Variants in TCEANC2 observed in about 807,000 individuals in gnomAD.
TCEANC2 encodes the protein transcription elongation factor A N-terminal and central domain containing 2, also known as transcription elongation factor A N-terminal and central domain-containing protein 2.
A neutral mutation model predicts 22.8 loss-of-function variants in TCEANC2; 20 were observed. The ratio of observed to expected loss-of-function variants is 0.88; its 90% CI spans 0.62 to 1.28. TCEANC2 has a LOEUF of 1.28. TCEANC2 is among the 50% of genes most tolerant of loss of function. The pLI, the probability that TCEANC2 is intolerant of heterozygous loss-of-function variation, is 0.00. For synonymous variants in TCEANC2, 84 were observed against 95.5 expected (o/e 0.88, Z 0.70); for missense variants, 251 against 249.7 (o/e 1.01, Z -0.03).
chr1:54,060,694 T>C (rs1021456206), intron 2 of TCEANC2, among the ~76,000 whole-genome samples: 12 of 151,870 alleles, frequency 7.9e-5, no homozygotes, highest in Non-Finnish European at 4.4e-5. Flanking sequence ...AATCTCAGCA[T>C]TTTGGGAGGC....
At chr1:54,056,613 C>CG (rs1451980184) in intron 2 of TCEANC2, among the ~76,000 whole-genome samples, 3 of 152,260 alleles carry the variant, frequency 2.0e-5, no homozygotes, top group Non-Finnish European at 4.4e-5. Flanking sequence ...GCGTGAGCCA[C>CG]GGCACCTGGC....
intron 4 of TCEANC2, among the ~76,000 whole-genome samples, chr1:54,092,390 G>A (rs540314726): frequency 3.4e-4 from 52 of 152,292 alleles, no homozygotes; most frequent in African/African-American, 6.0e-4. Flanking sequence ...GGAATGTTTC[G>A]GAGAAGAGAT....
At chr1:54,078,421 C>G (rs1003480128) in intron 3 of TCEANC2, among the ~76,000 whole-genome samples, 34 of 152,126 alleles carry the variant, frequency 2.2e-4, no homozygotes, top group Non-Finnish European at 3.5e-4. Flanking sequence ...CCATTGTGCC[C>G]TGGACCCCAG....
chr1:54,060,792 T>C (rs1657838284), intron 2 of TCEANC2, among the ~76,000 whole-genome samples: 1 of 151,692 alleles, frequency 6.6e-6, no homozygotes, highest in East Asian at 1.9e-4. Flanking sequence ...ATACAAAAAT[T>C]AGCCGGGTGT....
chr1:54,106,722 AG>A (rs1463194159), downstream of TCEANC2, among the ~76,000 whole-genome samples: 2 of 152,136 alleles, frequency 1.3e-5, no homozygotes, highest in Non-Finnish European at 2.9e-5. Flanking sequence ...TATTTATGTA[AG>A]GGAAAAAAAC....
At chr1:54,073,272 T>G (rs1256880198) in intron 3 of TCEANC2, among the ~76,000 whole-genome samples, 1 of 152,240 alleles carries the variant, frequency 6.6e-6, no homozygotes, top group African/African-American at 2.4e-5. Context: ...CAGCCTGTAT[T>G]TCTATCTGTA....
intron 2 of TCEANC2, among the ~76,000 whole-genome samples, chr1:54,057,347 A>ATTTTTTTTTTTTTTT (rs1163556776): frequency 1.2e-5 from 1 of 85,930 alleles, no homozygotes; most frequent in Admixed American, 1.6e-4. Context: ...CACCTGGCTA[A>ATTTTTTTTTTTTTTT]TTTTTTTTTT....
chr1:54,088,513 T>C (rs878891529), intron 3 of TCEANC2, 84 bp from the exon 4 acceptor site: 7 of 1,123,824 alleles, frequency 6.2e-6, no homozygotes. Context: ...ACTTTCTCAG[T>C]GCCACACGTC....
At chr1:54,058,555 G>A (rs140424399) in intron 2 of TCEANC2, among the ~76,000 whole-genome samples, 1 of 152,286 alleles carries the variant, frequency 6.6e-6, no homozygotes, top group African/African-American at 2.4e-5. Context: ...GGCATGGCAC[G>A]TGAGACCTGT....
chr1:54,064,520 C>A (rs934070987), intron 2 of TCEANC2, among the ~76,000 whole-genome samples: 25 of 152,000 alleles, frequency 1.6e-4, no homozygotes, highest in African/African-American at 5.3e-4. Context: ...GGCCTGCAAC[C>A]AGTATGATTG....
intron 3 of TCEANC2, among the ~76,000 whole-genome samples, chr1:54,080,754 G>A (rs981675277): frequency 3.3e-5 from 5 of 152,204 alleles, no homozygotes; most frequent in Non-Finnish European, 7.3e-5. Flanking sequence ...TTCCTGCAGG[G>A]AATTTGTCTT....
At chr1:54,079,202 TAAC>T (rs1296532253) in intron 3 of TCEANC2, among the ~76,000 whole-genome samples, 1 of 152,194 alleles carries the variant, frequency 6.6e-6, no homozygotes, top group African/African-American at 2.4e-5. Flanking sequence ...TATGATTGTT[TAAC>T]AACAACAACA....
In TCEANC2 at chr1:54,099,758, AAAG is replaced by A. The variant is rs886206866; in HGVS notation, c.*3287_*3289del. The A allele has an allele frequency of 6.6e-6, 1 of 152,342 alleles. No homozygotes were observed. Among genetic ancestry groups the A allele is most frequent in the African/African-American group, 2.4e-5 (1 of 41,316 alleles). The allele number at this position is 152,342 out of a possible 1,614,324, so 9.4% of individuals were successfully genotyped here. A position where few individuals can be genotyped will look rare whatever the true frequency, so the allele number is the denominator to read the frequency against. On this transcript the variant is annotated 3_prime_UTR_variant, in exon 5 of 5. Transcript: ENST00000234827. ...GACTCTGTCTCAAAAAAAAAAAAAA[AAAG>A]AGAAAAAGAAAAAAGTTGCCCCTGA...
chr1:54,086,445 A>T (rs1658341691), intron 3 of TCEANC2, among the ~76,000 whole-genome samples: 1 of 152,242 alleles, frequency 6.6e-6, no homozygotes, highest in African/African-American at 2.4e-5. Context: ...CCCTTAAATG[A>T]GTCTTAAAGG....
At chr1:54,092,289 A>G (rs913065155) in intron 4 of TCEANC2, among the ~76,000 whole-genome samples, 2 of 152,196 alleles carry the variant, frequency 1.3e-5, no homozygotes, top group African/African-American at 4.8e-5. Flanking sequence ...CCTATAAACG[A>G]TTAATTAAAA....
Position 54,054,477 on chromosome 1 carries a change from G to C in TCEANC2, c.55G>C (p.Asp19His). The change falls in exon 2 of 5, where the codon GAT becomes CAT. Residue 19 changes from aspartate (D) to histidine (H), a missense_variant. Asp to His is a moderately conservative substitution (Grantham distance 81). Coordinates refer to ENST00000234827, the MANE Select transcript of TCEANC2 (RefSeq NM_153035.3). Reference sequence around the variant, plus strand: ...AATCCAGAATAGCCCTCAGAAGAAAGATTCTGGAGGAAAGGTTTACAAGCA... The same window carrying C: ...AATCCAGAATAGCCCTCAGAAGAAACATTCTGGAGGAAAGGTTTACAAGCA... ...PRIQNSPQKKDSGGKVYKQAT... is the reference protein window; with the variant it reads ...PRIQNSPQKKHSGGKVYKQAT... 1 of 1,614,042 alleles carries C rather than the reference G, an allele frequency of 6.2e-7. No homozygotes were observed. Among genetic ancestry groups the C allele is most frequent in the Non-Finnish European group, 8.5e-7 (1 of 1,179,974 alleles).
intron 2 of TCEANC2, among the ~76,000 whole-genome samples, chr1:54,060,055 C>T (rs947159238): frequency 6.6e-6 from 1 of 152,026 alleles, no homozygotes; most frequent in Non-Finnish European, 1.5e-5. Flanking sequence ...CCACTTGAGC[C>T]CAGGAGTTTG....
In TCEANC2 at chr1:54,101,345, T is replaced by C. The variant is rs892444238; in HGVS notation, c.*4872T>C. 4 of 152,196 alleles carry C rather than the reference T, an allele frequency of 2.6e-5. No individual in the cohort carries two copies. The East Asian group carries it at 5.8e-4, about 22-fold the overall frequency. The allele number at this position is 152,196 out of a possible 1,614,324, so 9.4% of individuals were successfully genotyped here. A position where few individuals can be genotyped will look rare whatever the true frequency, so the allele number is the denominator to read the frequency against. On this transcript the variant is annotated 3_prime_UTR_variant, in exon 5 of 5. Coordinates refer to ENST00000234827, the MANE Select transcript of TCEANC2 (RefSeq NM_153035.3). Reference sequence around the variant, plus strand: ...CACTACCCTGGTATCAAAGGAAAGATGGTTTGATTGGATGACATTGTATTT... The same window carrying C: ...CACTACCCTGGTATCAAAGGAAAGACGGTTTGATTGGATGACATTGTATTT...
In TCEANC2 at chr1:54,088,678, C is replaced by T. The variant is rs867737674; in HGVS notation, c.326C>T (p.Thr109Ile). Residue 109 changes from threonine (T) to isoleucine (I), a missense_variant, in exon 4 of 5, where the codon ACT becomes ATT. Transcript: ENST00000234827. ...LAREVYTEWK[T>I]FTEKHSNRPS... ...AGAGAAGTTTACACTGAGTGGAAAA[C>T]TTTCACTGAAAAACATTCAAATAGA... The T allele has an allele frequency of 1.2e-6, 2 of 1,611,290 alleles. No individual in the cohort carries two copies. Among genetic ancestry groups the T allele is most frequent in the Non-Finnish European group, 1.7e-6 (2 of 1,179,130 alleles).
Sources: allele counts gnomAD v4.1 joint callset (sites outside exome capture counted in the v4.1 genomes callset), GRCh38; gene constraint gnomAD v4.1.1; transcripts MANE v1.5; gene names NCBI Gene and HGNC (gene_info 2026-07-23, HGNC 2026-07-21).